Variants in SEL1L2 observed in about 807,000 individuals in gnomAD.
The protein encoded by SEL1L2 is SEL1L2 adaptor subunit of SYVN1 ubiquitin ligase.
In SEL1L2, 89 loss-of-function variants were observed where a neutral mutation model predicts 98.8. The ratio of observed to expected loss-of-function variants is 0.90; its 90% confidence interval spans 0.76 to 1.07. SEL1L2 has a LOEUF of 1.07. Ranked by LOEUF, SEL1L2 falls within the 50% of genes least tolerant of loss-of-function variation. The probability of loss-of-function intolerance (pLI) is 0.00; values close to 1 mark genes in which losing one functional copy is unlikely to be tolerated. For missense variants in SEL1L2, 788 were observed against 812.0 expected (o/e 0.97, Z 0.36); for synonymous variants, 262 against 278.5 (o/e 0.94, Z 0.59).
intron 2 of SEL1L2, among the ~76,000 whole-genome samples, chr20:13,946,980 T>C (rs2050041826): frequency 6.6e-6 from 1 of 152,148 alleles, no homozygotes; most frequent in African/African-American, 2.4e-5. Flanking sequence ...AATGCAGGCC[T>C]GCAGGTGCCA....
chr20:13,879,090 C>T (rs1274418503), intron 10 of SEL1L2, among the ~76,000 whole-genome samples: 1 of 152,146 alleles, frequency 6.6e-6, no homozygotes. Context: ...ATAAGCAGCT[C>T]ACCACTCTGT....
chr20:13,987,110 C>CA (rs59899939), intron 1 of SEL1L2, among the ~76,000 whole-genome samples: 2 of 151,738 alleles, frequency 1.3e-5, no homozygotes, highest in African/African-American at 4.8e-5. Flanking sequence ...GGATTACAGG[C>CA]GTGAGCCACC....
At chr20:13,864,755 C>G (rs1166801853) in intron 17 of SEL1L2, among the ~76,000 whole-genome samples, 1 of 152,092 alleles carries the variant, frequency 6.6e-6, no homozygotes, top group Non-Finnish European at 1.5e-5. Context: ...ATCACATGAG[C>G]CTTAGATACA....
intron 1 of SEL1L2, among the ~76,000 whole-genome samples, chr20:13,964,111 T>C (rs971703241): frequency 4.6e-5 from 7 of 151,764 alleles, no homozygotes; most frequent in Admixed American, 3.3e-4. Context: ...CCTGACCTCA[T>C]GATCCACCCG....
intron 1 of SEL1L2, among the ~76,000 whole-genome samples, chr20:13,977,484 G>A (rs971446169): frequency 2.0e-5 from 3 of 152,164 alleles, no homozygotes; most frequent in African/African-American, 7.2e-5. Flanking sequence ...TTCAATTGAT[G>A]GGGGGATAGA....
chr20:13,895,100 C>A (rs1372001005), intron 5 of SEL1L2, among the ~76,000 whole-genome samples: 4 of 152,120 alleles, frequency 2.6e-5, no homozygotes, highest in Admixed American at 6.6e-5. Context: ...GGATTATACA[C>A]CATAACCAAG....
At chr20:13,953,560 C>T (rs1036553265) in intron 2 of SEL1L2, among the ~76,000 whole-genome samples, 4 of 152,168 alleles carry the variant, frequency 2.6e-5, no homozygotes, top group African/African-American at 9.7e-5. Flanking sequence ...GAAACTCCAA[C>T]TGGGCTGCAT....
chr20:13,945,067 A>C (rs535863791), intron 2 of SEL1L2, among the ~76,000 whole-genome samples: 1 of 152,336 alleles, frequency 6.6e-6, no homozygotes, highest in East Asian at 1.9e-4. Context: ...GGAGAACTAC[A>C]TTTCATCAGG....
chr20:13,924,016 T>C (rs1333372235), intron 3 of SEL1L2, among the ~76,000 whole-genome samples: 1 of 152,240 alleles, frequency 6.6e-6, no homozygotes, highest in Non-Finnish European at 1.5e-5. Context: ...CTTAGAATTA[T>C]CACAACTTCC....
At chr20:13,925,549 C>T (rs1039122430) in intron 3 of SEL1L2, among the ~76,000 whole-genome samples, 2 of 152,236 alleles carry the variant, frequency 1.3e-5, no homozygotes, top group African/African-American at 4.8e-5. Flanking sequence ...GCTGTCTGAA[C>T]AGCTCTATGA....
intron 2 of SEL1L2, among the ~76,000 whole-genome samples, chr20:13,940,068 A>G (rs1199005647): frequency 6.6e-6 from 1 of 152,240 alleles, no homozygotes; most frequent in Non-Finnish European, 1.5e-5. Flanking sequence ...GTGACACATA[A>G]GACAGAAGCA....
At chr20:13,921,541 G>A (rs1295832322) in intron 3 of SEL1L2, among the ~76,000 whole-genome samples, 2 of 152,096 alleles carry the variant, frequency 1.3e-5, no homozygotes, top group Non-Finnish European at 2.9e-5. Flanking sequence ...AGAGGGTCCA[G>A]GGCCGGGCGC....
intron 3 of SEL1L2, among the ~76,000 whole-genome samples, chr20:13,924,940 A>G (rs570315477): frequency 2.0e-5 from 3 of 152,124 alleles, no homozygotes; most frequent in African/African-American, 7.2e-5. Context: ...GGAGTTCGAG[A>G]CCAGCCTGGC....
At chr20:13,850,732 AT>A (rs1988111600) in intron 18 of SEL1L2, among the ~76,000 whole-genome samples, 2 of 152,130 alleles carry the variant, frequency 1.3e-5, no homozygotes, top group South Asian at 4.2e-4. Context: ...AACAGCCTTG[AT>A]TTTAGCCTCG....
intron 5 of SEL1L2, among the ~76,000 whole-genome samples, chr20:13,900,570 A>G (rs947270108): frequency 2.0e-5 from 3 of 152,162 alleles, no homozygotes; most frequent in Non-Finnish European, 4.4e-5. Context: ...TCTTATTGTT[A>G]TAATCTTAAA....
At chr20:13,904,442 C>T (rs553750289) in intron 5 of SEL1L2, among the ~76,000 whole-genome samples, 8 of 152,130 alleles carry the variant, frequency 5.3e-5, no homozygotes, top group African/African-American at 1.9e-4. Flanking sequence ...GCAGGAGAAT[C>T]GCTTGAACCT....
At chr20:13,985,273 C>A (rs1190010774) in intron 1 of SEL1L2, among the ~76,000 whole-genome samples, 1 of 152,154 alleles carries the variant, frequency 6.6e-6, no homozygotes, top group Non-Finnish European at 1.5e-5. Flanking sequence ...ACCACTCCAG[C>A]CTCATAAGTT....
At chr20:13,907,750 T>TTTC (rs2048021001) in intron 5 of SEL1L2, among the ~76,000 whole-genome samples, 2 of 135,522 alleles carry the variant, frequency 1.5e-5, no homozygotes, top group East Asian at 2.2e-4. Context: ...TTCTTTCTTT[T>TTTC]CTTTTCTTTT....
intron 12 of SEL1L2, among the ~76,000 whole-genome samples, chr20:13,871,395 T>G (rs978319745): frequency 1.3e-5 from 2 of 152,222 alleles, no homozygotes. Flanking sequence ...CAATTTTGGA[T>G]GAAGAGTGAA....
Sources: gnomAD v4.1 joint callset for allele counts (sites outside exome capture counted in the v4.1 genomes callset) on GRCh38, gnomAD v4.1.1 for gene constraint, MANE v1.5 for transcripts, NCBI Gene and HGNC (gene_info 2026-07-23, HGNC 2026-07-21) for gene names.